Variants in PJA2 observed in about 807,000 individuals in gnomAD.
PJA2 encodes E3 ubiquitin-protein ligase Praja-2.
A neutral mutation model predicts 69.3 loss-of-function variants in PJA2; 25 were observed. The observed-to-expected ratio is 0.36, with a 90% CI of 0.26 to 0.50. The LOEUF is 0.50. Among genes scored for constraint, PJA2 ranks in the 20% least tolerant of loss-of-function variants. PJA2 has a pLI of 0.96. For synonymous variants in PJA2, 308 were observed against 277.8 expected (o/e 1.11, Z -1.08); for missense variants, 809 against 830.2 (o/e 0.97, Z 0.31).
chr5:109,356,892 C>T (rs1362939915), intron 6 of PJA2, among the ~76,000 whole-genome samples: 1 of 152,108 alleles, frequency 6.6e-6, no homozygotes, highest in East Asian at 1.9e-4. Context: ...AAACATGTCT[C>T]ACTTTGGTCC....
intron 5 of PJA2, among the ~76,000 whole-genome samples, chr5:109,366,370 T>G (rs1202754254): frequency 6.6e-6 from 1 of 152,238 alleles, no homozygotes; most frequent in East Asian, 1.9e-4. Context: ...ACTACAGTAA[T>G]GTAAAAGACT....
intron 5 of PJA2, among the ~76,000 whole-genome samples, chr5:109,367,185 T>C (rs1762598781): frequency 6.7e-6 from 1 of 149,046 alleles, no homozygotes; most frequent in African/African-American, 2.4e-5. Context: ...ATATTTATGA[T>C]ATATATATCT....
rs147776417 is a variant in PJA2 at position 109,368,669 on chromosome 5, C to T, written c.1361G>A (p.Ser454Asn). 2 of 1,614,152 alleles carry T rather than the reference C, an allele frequency of 1.2e-6. No homozygotes were observed. The highest frequency in any genetic ancestry group is 1.7e-6 in the Non-Finnish European group (2 of 1,180,028). ...FSGTEKDQSSSDESWETLPGK... is the reference protein window; with the variant it reads ...FSGTEKDQSSNDESWETLPGK... ...TGGCAGAGTCTCCCAGCTTTCATCA[C>T]TTGAGGATTGATCTTTTTCTGTACC... Residue 454 changes from serine (S) to asparagine (N), a missense_variant, in exon 5 of 10, where the codon AGT becomes AAT. Ser to Asn is a conservative substitution (Grantham distance 46). Coordinates refer to ENST00000361189, the MANE Select transcript of PJA2 (RefSeq NM_014819.5).
At chr5:109,343,500 T>C (rs1431144230) in intron 9 of PJA2, among the ~76,000 whole-genome samples, 2 of 152,098 alleles carry the variant, frequency 1.3e-5, no homozygotes, top group African/African-American at 2.4e-5. Context: ...TAGCTGTATA[T>C]TGTTATAGTA....
intron 9 of PJA2, among the ~76,000 whole-genome samples, chr5:109,343,285 AAAAAAAAGAAAG>A (rs1349303546): frequency 7.7e-5 from 8 of 104,324 alleles, no homozygotes; most frequent in African/African-American, 2.5e-4. Flanking sequence ...AAAAAAAAAA[AAAAAAAAGAAAG>A]AAAGAAAGAA....
intron 9 of PJA2, among the ~76,000 whole-genome samples, chr5:109,340,279 T>A (rs932757976): frequency 6.6e-6 from 1 of 152,110 alleles, no homozygotes; most frequent in Non-Finnish European, 1.5e-5. Flanking sequence ...AGATATTTTA[T>A]AAAAGAACAG....
chr5:109,377,898 C>A (rs1051627556), intron 4 of PJA2, among the ~76,000 whole-genome samples: 1 of 152,110 alleles, frequency 6.6e-6, no homozygotes, highest in Non-Finnish European at 1.5e-5. Context: ...TTAAAAAATA[C>A]AACAAATGTT....
At chr5:109,341,373 C>T (rs1461807454) in intron 9 of PJA2, among the ~76,000 whole-genome samples, 1 of 149,322 alleles carries the variant, frequency 6.7e-6, no homozygotes, top group Non-Finnish European at 1.5e-5. Flanking sequence ...CCGGCCGCCC[C>T]GTCTGAGAAG....
At chr5:109,374,342 T>G (rs947159895) in intron 4 of PJA2, among the ~76,000 whole-genome samples, 6 of 152,228 alleles carry the variant, frequency 3.9e-5, no homozygotes, top group African/African-American at 1.4e-4. Flanking sequence ...TCAGCACATA[T>G]GCTTTAAGAT....
intron 1 of PJA2, among the ~76,000 whole-genome samples, chr5:109,396,422 C>CTTTTTTTT (rs35744917): frequency 1.2e-5 from 1 of 85,264 alleles, no homozygotes; most frequent in Non-Finnish European, 2.3e-5. Flanking sequence ...ATGTAAAGTT[C>CTTTTTTTT]TTTTTTTTTT....
chr5:109,406,722 T>C (rs867675807), intron 1 of PJA2, among the ~76,000 whole-genome samples: 12 of 152,212 alleles, frequency 7.9e-5, no homozygotes, highest in African/African-American at 2.4e-4. Context: ...TGAATGTTCA[T>C]TGAATAAAGG....
At chr5:109,343,084 A>T (rs1490591060) in intron 9 of PJA2, among the ~76,000 whole-genome samples, 2 of 110,142 alleles carry the variant, frequency 1.8e-5, no homozygotes, top group Admixed American at 8.9e-5. Flanking sequence ...GGTGGGGAAA[A>T]GATTGAGAAA....
At chr5:109,345,162 G>A (rs1762152136) in intron 7 of PJA2, among the ~76,000 whole-genome samples, 1 of 139,646 alleles carries the variant, frequency 7.2e-6, no homozygotes, top group African/African-American at 2.7e-5. Flanking sequence ...GACCAACATG[G>A]TGAAATCCCG....
intron 1 of PJA2, among the ~76,000 whole-genome samples, chr5:109,388,525 T>C (rs549069189): frequency 1.3e-5 from 2 of 152,140 alleles, no homozygotes; most frequent in African/African-American, 4.8e-5. Context: ...ATACAAACAA[T>C]GTAAATTAAA....
In PJA2 at chr5:109,397,957, A is replaced by G. The variant is rs970302804; in HGVS notation, c.-88+11885T>C. Among the ~76,000 whole-genome samples, 11 of 152,338 alleles carry G rather than the reference A, an allele frequency of 7.2e-5. No individual in the cohort carries two copies. In the East Asian group the frequency reaches 1.7e-3, roughly 24 times the overall value. On this transcript the variant is annotated intron_variant, in intron 1 of 9. Coordinates refer to ENST00000361189, the MANE Select transcript of PJA2 (RefSeq NM_014819.5). ...CTACAAAGAACTCAAACAAACTTAC[A>G]AGAAAAAAACAACCCCATCAAAAAG...
intron 1 of PJA2, among the ~76,000 whole-genome samples, chr5:109,395,747 C>A (rs1185198154): frequency 6.6e-6 from 1 of 151,918 alleles, no homozygotes; most frequent in Non-Finnish European, 1.5e-5. Context: ...GCCTGTAATC[C>A]CAGCACTTTG....
At chr5:109,381,814 T>C in intron 2 of PJA2, 111 bp from the exon 3 acceptor site, 1 of 856,608 alleles carries the variant, frequency 1.2e-6, no homozygotes. Context: ...AATCATATGC[T>C]TCTGAACATG....
At chr5:109,389,115 C>T (rs984444321) in intron 1 of PJA2, among the ~76,000 whole-genome samples, 6 of 152,112 alleles carry the variant, frequency 3.9e-5, no homozygotes, top group Non-Finnish European at 8.8e-5. Context: ...AAAATAGTCT[C>T]GTCATGCTTT....
intron 1 of PJA2, among the ~76,000 whole-genome samples, chr5:109,404,073 AAACAACAACAAC>A (rs139131450): frequency 4.0e-5 from 6 of 150,280 alleles, no homozygotes; most frequent in Admixed American, 6.6e-5. Context: ...TCCATCTCAA[AAACAACAACAAC>A]AACAACAACA....
Sources: allele counts gnomAD v4.1 joint callset (sites outside exome capture counted in the v4.1 genomes callset), GRCh38; gene constraint gnomAD v4.1.1; transcripts MANE v1.5; gene names NCBI Gene and HGNC (gene_info 2026-07-23, HGNC 2026-07-21).